ACOT7: variants seen among roughly 807,000 people sequenced by gnomAD.
ACOT7 encodes cytosolic acyl coenzyme A thioester hydrolase.
In ACOT7, 12 loss-of-function variants were observed where a neutral mutation model predicts 40.2. That is an observed-to-expected ratio of 0.30 (90% CI 0.19 to 0.48). ACOT7 has a LOEUF of 0.48. Among genes scored for constraint, ACOT7 ranks in the 20% least tolerant of loss-of-function variants. The probability of loss-of-function intolerance (pLI) is 0.99; values close to 1 mark genes in which losing one functional copy is unlikely to be tolerated. For synonymous variants in ACOT7, 228 were observed against 219.5 expected (o/e 1.04, Z -0.34); for missense variants, 395 against 530.8 (o/e 0.74, Z 2.51).
intron 8 of ACOT7, among the ~76,000 whole-genome samples, chr1:6,267,748 TGCC>T (rs759476748): frequency 1.3e-5 from 2 of 152,230 alleles, no homozygotes; most frequent in South Asian, 4.1e-4. Flanking sequence ...GGCAGAGGCT[TGCC>T]CACCTTGGGA....
chr1:6,362,751 A>G (rs943619792), intron 1 of ACOT7, among the ~76,000 whole-genome samples: 3 of 151,906 alleles, frequency 2.0e-5, no homozygotes, highest in Non-Finnish European at 4.4e-5. Flanking sequence ...TCAATGTGAA[A>G]AAAACAAATG....
At chr1:6,362,187 T>C (rs1439038483) in intron 1 of ACOT7, among the ~76,000 whole-genome samples, 2 of 152,170 alleles carry the variant, frequency 1.3e-5, no homozygotes, top group African/African-American at 2.4e-5. Flanking sequence ...TCCCAGCACT[T>C]TGGGAGGCCA....
At chr1:6,327,229 CG>C in intron 5 of ACOT7, 69 bp downstream of exon 5, 1 of 1,491,466 alleles carries the variant, frequency 6.7e-7, no homozygotes, top group Non-Finnish European at 9.3e-7. Context: ...CACGTAGGCC[CG>C]GCCTGCTCCT....
chr1:6,358,982 C>G lies in ACOT7; in HGVS notation c.144-9116G>C. On this transcript the variant is annotated intron_variant, in intron 1 of 8. Transcript: ENST00000361521. This position sits in a 1 kb window ranked among gnomAD's most constrained non-coding sequence, Gnocchi z 4.1. ...GGTGGGGAGCACCCCCCACCCCCAG[C>G]TTCCTGAGCTGCCCAATCTGGCCAG... The G allele has an allele frequency of 7.0e-7, 1 of 1,432,392 alleles. No homozygotes were observed. The highest frequency in any genetic ancestry group is 9.3e-7 in the Non-Finnish European group (1 of 1,074,358). The allele number at this position is 1,432,392 out of a possible 1,614,324, so 88.7% of individuals were successfully genotyped here.
rs558306621 is a variant in ACOT7, at chr1:6,383,322, AGACT to A, written c.143+9931_143+9934del. ...CCTGCCTCAGCCTCCCAAGTAGCTG[AGACT>A]ACAGGCGCCCACCATGACGCCTGGC... On this transcript the variant is annotated intron_variant, in intron 1 of 8. Coordinates refer to ENST00000361521, the MANE Select transcript of ACOT7 (RefSeq NM_007274.4). Among the ~76,000 whole-genome samples the A allele has an allele frequency of 1.4e-3, 206 of 147,092 alleles. 3 individuals are homozygous for A. The highest frequency in any genetic ancestry group is 3.6e-3 in the Middle Eastern group (1 of 276).
intron 2 of ACOT7, among the ~76,000 whole-genome samples, chr1:6,340,618 G>A (rs1023642663): frequency 6.6e-6 from 1 of 152,124 alleles, no homozygotes; most frequent in African/African-American, 2.4e-5. Context: ...TGCCTGGCTC[G>A]TTTCACAGTT....
intron 1 of ACOT7, among the ~76,000 whole-genome samples, chr1:6,386,679 G>A (rs969909095): frequency 1.3e-5 from 2 of 152,102 alleles, no homozygotes; most frequent in African/African-American, 2.4e-5. Context: ...AACAAAGTGA[G>A]ATCATGTCTC....
chr1:6,274,847 C>T lies in ACOT7; in HGVS notation c.1014+6255G>A, dbSNP rs556016064. ...GGCGGCGCAGTGCAGGTGGGCAGCG[C>T]GTTGGGACTCCCAGGGTTTAGGTTC... On this transcript the variant is annotated intron_variant, in intron 8 of 8. Transcript: ENST00000361521. This position sits in a 1 kb window ranked among gnomAD's most constrained non-coding sequence, Gnocchi z 5.9. 1.8e-4 allele frequency among the ~76,000 whole-genome samples: 28 copies of T among 152,254 alleles called. No individual in the cohort carries two copies. In the South Asian group the frequency reaches 1.9e-3, roughly 10 times the overall value.
In ACOT7 at chr1:6,288,750, C is replaced by T. The variant is rs953259212; in HGVS notation, c.829+6114G>A. 2.6e-5 allele frequency among the ~76,000 whole-genome samples: 4 copies of T among 152,166 alleles called. No homozygotes were observed. Among genetic ancestry groups the T allele is most frequent in the Non-Finnish European group, 4.4e-5 (3 of 68,012 alleles). On this transcript the variant is annotated intron_variant, in intron 7 of 8. Transcript: ENST00000361521. The surrounding 1 kb of genome is among the most constrained non-coding windows in gnomAD (Gnocchi z 4.3). ...AGGGTGGCAGTGGCCTCCATGGCCG[C>T]GGGTGAGGCCTCTCCCAGCCACGAC...
At chr1:6,365,533 G>A (rs191600399) in intron 1 of ACOT7, among the ~76,000 whole-genome samples, 61 of 152,182 alleles carry the variant, frequency 4.0e-4, no homozygotes, top group South Asian at 1.7e-3. Flanking sequence ...ACTTTGGGAG[G>A]CCAAGGTGGG....
chr1:6,347,067 T>C (rs1255836032), intron 2 of ACOT7, among the ~76,000 whole-genome samples: 2 of 152,012 alleles, frequency 1.3e-5, no homozygotes, highest in African/African-American at 2.4e-5. Flanking sequence ...AGACAGAACC[T>C]TGGGACTTCC....
chr1:6,264,486 A>G lies in ACOT7; in HGVS notation c.*111T>C. 1 of 964,442 alleles carries G rather than the reference A, an allele frequency of 1.0e-6. No individual in the cohort carries two copies. Among genetic ancestry groups the G allele is most frequent in the Non-Finnish European group, 1.5e-6 (1 of 652,440 alleles). The allele number at this position is 964,442 out of a possible 1,614,324, so 59.7% of individuals were successfully genotyped here. A position where few individuals can be genotyped will look rare whatever the true frequency, so the allele number is the denominator to read the frequency against. On this transcript the variant is annotated 3_prime_UTR_variant, in exon 9 of 9. Coordinates refer to ENST00000361521, the MANE Select transcript of ACOT7 (RefSeq NM_007274.4). ...CTGTGATACGAAAACTTCAGACAAC[A>G]CCAGCTCTCAATGTGAATTGGGTTT...
chr1:6,318,683 G>A, intron 5 of ACOT7, 105 bp from the exon 6 acceptor site: 1 of 1,129,196 alleles, frequency 8.9e-7, no homozygotes, highest in Non-Finnish European at 1.3e-6. Flanking sequence ...GTCAACGAAG[G>A]CGTCCAAAGC....
chr1:6,373,789 C>T (rs1255401465), intron 1 of ACOT7, among the ~76,000 whole-genome samples: 2 of 151,710 alleles, frequency 1.3e-5, no homozygotes, highest in Non-Finnish European at 2.9e-5. Flanking sequence ...CGCTTGAATC[C>T]AGGAGGGAGA....
rs1051100332 is a variant in ACOT7 at position 6,359,213 on chromosome 1, C to G, written c.144-9347G>C. Reference sequence around the variant, plus strand: ...CTTCTCTGACAGGGCACAAGACCCCCTAGTCTTTCTCCAGGGTCTCAGCCA... The same window carrying G: ...CTTCTCTGACAGGGCACAAGACCCCGTAGTCTTTCTCCAGGGTCTCAGCCA... On this transcript the variant is annotated intron_variant, in intron 1 of 8. Transcript: ENST00000361521. The surrounding 1 kb of genome is among the most constrained non-coding windows in gnomAD (Gnocchi z 4.1). 2 of 198,812 alleles carry G rather than the reference C, an allele frequency of 1.0e-5. No homozygotes were observed. Among genetic ancestry groups the G allele is most frequent in the African/African-American group, 4.7e-5 (2 of 42,640 alleles). 12.3% of individuals were successfully genotyped at this position (198,812 alleles called of 1,614,324 possible). A position where few individuals can be genotyped will look rare whatever the true frequency, so the allele number is the denominator to read the frequency against.
At position 6,330,336 on chromosome 1, in the gene ACOT7, C is replaced by T. The variant is rs1640920799; in HGVS notation, c.511-2923G>A. ...TACTTTCTGGGATTCCTAAGCAGGC[C>T]TCTGGCCGGGCCCACCAGTGAAAAA... is the stretch of plus-strand genomic sequence containing the variant. On this transcript the variant is annotated intron_variant, in intron 4 of 8. Coordinates refer to ENST00000361521, the MANE Select transcript of ACOT7 (RefSeq NM_007274.4). The surrounding 1 kb of genome is among the most constrained non-coding windows in gnomAD (Gnocchi z 4.6). 6.6e-6 allele frequency among the ~76,000 whole-genome samples: 1 copy of T among 152,104 alleles called. No homozygotes were observed. Among genetic ancestry groups the T allele is most frequent in the Non-Finnish European group, 1.5e-5 (1 of 68,030 alleles).
At chr1:6,292,686 GTTTT>G (rs58177155) in intron 7 of ACOT7, among the ~76,000 whole-genome samples, 1 of 137,064 alleles carries the variant, frequency 7.3e-6, no homozygotes. Context: ...GTTTTTTTGT[GTTTT>G]TTTTTTTTTG....
intron 8 of ACOT7, among the ~76,000 whole-genome samples, chr1:6,272,682 C>T (rs1395588291): frequency 1.3e-5 from 2 of 152,182 alleles, no homozygotes; most frequent in East Asian, 1.9e-4. Flanking sequence ...CTGAGAGCGC[C>T]GAGCCAAGTG....
At chr1:6,363,669 ACATGTGACC>A (rs948302287) in intron 1 of ACOT7, among the ~76,000 whole-genome samples, 1 of 152,098 alleles carries the variant, frequency 6.6e-6, no homozygotes, top group Non-Finnish European at 1.5e-5. Context: ...TGTCCAGTGC[ACATGTGACC>A]CACGTGACCT....
Sources: allele counts gnomAD v4.1 joint callset (sites outside exome capture counted in the v4.1 genomes callset), GRCh38; gene constraint gnomAD v4.1.1; non-coding constraint Gnocchi (gnomAD v3.1); transcripts MANE v1.5; gene names NCBI Gene and HGNC (gene_info 2026-07-23, HGNC 2026-07-21).